SNTG1: variants seen among roughly 807,000 people sequenced by gnomAD.
The protein encoded by SNTG1 is syntrophin gamma 1, also known as gamma-1-syntrophin.
A neutral mutation model predicts 74.7 loss-of-function variants in SNTG1; 39 were observed. That is an observed-to-expected ratio of 0.52 (90% CI 0.40 to 0.68). The LOEUF (loss-of-function observed/expected upper bound fraction) is 0.68, where lower values mean the gene tolerates loss of function less well. SNTG1 is among the 30% of genes least tolerant of loss of function. SNTG1 has a pLI of 0.00. For synonymous variants in SNTG1, 254 were observed against 217.1 expected (o/e 1.17, Z -1.49); for missense variants, 685 against 609.5 (o/e 1.12, Z -1.30).
At chr8:50,141,412 C>G (rs1162345117) in intron 1 of SNTG1, among the ~76,000 whole-genome samples, 1 of 151,962 alleles carries the variant, frequency 6.6e-6, no homozygotes, top group Admixed American at 6.6e-5. Flanking sequence ...GCAATTGTTC[C>G]ACATCTTGGG....
At chr8:50,338,808 T>C (rs895063399) in intron 2 of SNTG1, among the ~76,000 whole-genome samples, 1 of 152,106 alleles carries the variant, frequency 6.6e-6, no homozygotes, top group African/African-American at 2.4e-5. Flanking sequence ...AGGGGTAACT[T>C]ATGTGTAATG....
chr8:49,953,382 C>T (rs1368924363), intron 1 of SNTG1, among the ~76,000 whole-genome samples: 1 of 152,156 alleles, frequency 6.6e-6, no homozygotes, highest in Non-Finnish European at 1.5e-5. Context: ...TCATTGTCCT[C>T]TGTCCTTCCT....
chr8:50,602,982 G>A (rs2094786295), intron 13 of SNTG1, among the ~76,000 whole-genome samples: 2 of 146,644 alleles, frequency 1.4e-5, no homozygotes, highest in South Asian at 4.4e-4. Context: ...ATTGTTAAAT[G>A]CCTTGAGATT....
At chr8:50,102,876 G>T (rs1351425373) in intron 1 of SNTG1, among the ~76,000 whole-genome samples, 1 of 147,752 alleles carries the variant, frequency 6.8e-6, no homozygotes, top group Non-Finnish European at 1.5e-5. Flanking sequence ...TTGTAGATAT[G>T]CGGCGTTATT....
intron 1 of SNTG1, among the ~76,000 whole-genome samples, chr8:50,164,962 T>C (rs1323168445): frequency 1.3e-5 from 2 of 152,198 alleles, no homozygotes; most frequent in East Asian, 3.9e-4. Flanking sequence ...CAGCTTATTT[T>C]ATGTATGTCA....
chr8:50,061,023 G>T (rs1563536961), intron 1 of SNTG1, among the ~76,000 whole-genome samples: 1 of 151,988 alleles, frequency 6.6e-6, no homozygotes, highest in Non-Finnish European at 1.5e-5. Flanking sequence ...ATTTGTTTTT[G>T]TTCTGTCTTT....
intron 11 of SNTG1, among the ~76,000 whole-genome samples, chr8:50,549,147 T>A (rs2094408484): frequency 6.6e-6 from 1 of 152,112 alleles, no homozygotes; most frequent in African/African-American, 2.4e-5. Flanking sequence ...ATCTGGAAAA[T>A]AAGTCACAAA....
intron 1 of SNTG1, among the ~76,000 whole-genome samples, chr8:50,153,752 G>T (rs1199464375): frequency 2.0e-5 from 3 of 152,168 alleles, no homozygotes; most frequent in Non-Finnish European, 4.4e-5. Flanking sequence ...CTGCCAGATC[G>T]TTCCTCTGGA....
Position 50,707,828 on chromosome 8 carries a change from C to T in SNTG1, c.1192-1058C>T, listed in dbSNP as rs907049367. ...CTGGCTTATAGATGTAACAATACATCATGTCGTATATAAACCTTAAGTTTT... is the reference window on the plus strand; with the variant it reads ...CTGGCTTATAGATGTAACAATACATTATGTCGTATATAAACCTTAAGTTTT... On this transcript the variant is annotated intron_variant, in intron 16 of 18. Coordinates refer to ENST00000642720, the MANE Select transcript of SNTG1 (RefSeq NM_018967.5). 2.2e-5 allele frequency: 8 copies of T among 370,612 alleles called. No homozygotes were observed. In the Admixed American group the frequency reaches 2.7e-4, roughly 13 times the overall value. 23.0% of individuals were successfully genotyped at this position (370,612 alleles called of 1,614,324 possible).
intron 8 of SNTG1, among the ~76,000 whole-genome samples, chr8:50,476,813 G>A (rs979043974): frequency 2.7e-5 from 4 of 149,828 alleles, no homozygotes; most frequent in Non-Finnish European, 5.9e-5. Context: ...GATGATTCAA[G>A]GACTGGGGCA....
intron 2 of SNTG1, among the ~76,000 whole-genome samples, chr8:50,365,929 G>A (rs2092096151): frequency 6.6e-6 from 1 of 151,990 alleles, no homozygotes; most frequent in Non-Finnish European, 1.5e-5. Flanking sequence ...TGGATTCTGG[G>A]CAGCTGACAT....
At chr8:50,456,037 C>A (rs2093501997) in intron 8 of SNTG1, among the ~76,000 whole-genome samples, 1 of 152,122 alleles carries the variant, frequency 6.6e-6, no homozygotes, top group African/African-American at 2.4e-5. Context: ...AGACAAAAGG[C>A]CAGAAATGCT....
chr8:50,706,211 A>G (rs1051022041), intron 16 of SNTG1, among the ~76,000 whole-genome samples: 3 of 152,156 alleles, frequency 2.0e-5, no homozygotes, highest in Non-Finnish European at 2.9e-5. Flanking sequence ...GCACCTAAAA[A>G]GTCTTAAATA....
At chr8:50,193,548 T>A (rs1375323059) in intron 2 of SNTG1, among the ~76,000 whole-genome samples, 4 of 152,148 alleles carry the variant, frequency 2.6e-5, no homozygotes, top group Non-Finnish European at 5.9e-5. Context: ...TGAATCCTTT[T>A]ATCAATTCTA....
At chr8:50,012,892 A>C (rs1297444060) in intron 1 of SNTG1, among the ~76,000 whole-genome samples, 1 of 152,114 alleles carries the variant, frequency 6.6e-6, no homozygotes, top group Non-Finnish European at 1.5e-5. Flanking sequence ...AACTAGGGAA[A>C]GTAAATGGTG....
chr8:50,758,238 T>C (rs2095586569), intron 18 of SNTG1, among the ~76,000 whole-genome samples: 1 of 151,942 alleles, frequency 6.6e-6, no homozygotes, highest in Non-Finnish European at 1.5e-5. Flanking sequence ...GTCCCTGCCA[T>C]ATCTGCACCT....
chr8:50,308,717 T>C (rs1414004856), intron 2 of SNTG1, among the ~76,000 whole-genome samples: 1 of 152,202 alleles, frequency 6.6e-6, no homozygotes, highest in Non-Finnish European at 1.5e-5. Flanking sequence ...TTATGTGTTA[T>C]TAAATGCTTA....
intron 2 of SNTG1, among the ~76,000 whole-genome samples, chr8:50,344,781 T>A (rs2091423579): frequency 6.6e-6 from 1 of 152,206 alleles, no homozygotes; most frequent in Admixed American, 6.5e-5. Flanking sequence ...AGCTATGAGC[T>A]GAATTGCATT....
At chr8:50,282,220 A>G (rs971712753) in intron 2 of SNTG1, among the ~76,000 whole-genome samples, 1 of 152,050 alleles carries the variant, frequency 6.6e-6, no homozygotes, top group African/African-American at 2.4e-5. Flanking sequence ...TTCCAACCCC[A>G]CAGTAAACTT....
Sources: gnomAD v4.1 joint callset for allele counts (sites outside exome capture counted in the v4.1 genomes callset) on GRCh38, gnomAD v4.1.1 for gene constraint, MANE v1.5 for transcripts, NCBI Gene and HGNC (gene_info 2026-07-23, HGNC 2026-07-21) for gene names.